HYAL4: variants seen among roughly 807,000 people sequenced by gnomAD.
HYAL4 encodes the protein hyaluronidase-4.
In HYAL4, 37 loss-of-function variants were observed where a neutral mutation model predicts 35.2. That is an observed-to-expected ratio of 1.05 (90% CI 0.81 to 1.38). The LOEUF (loss-of-function observed/expected upper bound fraction) is 1.38. Among genes scored for constraint, HYAL4 ranks in the 40% most tolerant of loss-of-function variants. HYAL4 has a pLI of 0.00. For missense variants in HYAL4, 572 were observed against 572.4 expected (o/e 1.00, Z 0.01); for synonymous variants, 198 against 203.2 (o/e 0.97, Z 0.22).
intron 1 of HYAL4, among the ~76,000 whole-genome samples, chr7:123,829,438 G>A (rs560182041): frequency 6.6e-6 from 1 of 151,854 alleles, no homozygotes; most frequent in African/African-American, 2.4e-5. Context: ...TCAACCTCAA[G>A]CCTCTCCCAA....
intron 1 of HYAL4, among the ~76,000 whole-genome samples, chr7:123,847,088 G>A (rs955792474): frequency 2.0e-5 from 3 of 152,166 alleles, no homozygotes; most frequent in Non-Finnish European, 4.4e-5. Flanking sequence ...TGGAGCAAAA[G>A]TTCACAACGT....
At chr7:123,779,176 A>G in the HYAL4 span, among the ~76,000 whole-genome samples, 3 of 152,210 alleles carry the variant, frequency 2.0e-5, no homozygotes, top group African/African-American at 4.8e-5. Context: ...ATTTCTCAGT[A>G]TTAATTTCTA....
chr7:123,836,490 C>T (rs1805965531), intron 1 of HYAL4, among the ~76,000 whole-genome samples: 1 of 152,096 alleles, frequency 6.6e-6, no homozygotes, highest in Admixed American at 6.6e-5. Flanking sequence ...TAGGTGAGTC[C>T]TGAAGGCAGC....
At chr7:123,869,303 T>C in intron 3 of HYAL4, 76 bp downstream of exon 3, 1 of 1,011,652 alleles carries the variant, frequency 9.9e-7, no homozygotes, top group Non-Finnish European at 1.4e-6. Flanking sequence ...AATTATGTTC[T>C]TTGAAGAATT....
chr7:123,781,559 C>A, the HYAL4 span, among the ~76,000 whole-genome samples: 2 of 151,540 alleles, frequency 1.3e-5, no homozygotes, highest in Non-Finnish European at 2.9e-5. Context: ...CTCGTCCCAC[C>A]TTACGAGAAA....
intron 2 of HYAL4, among the ~76,000 whole-genome samples, chr7:123,850,682 C>CT (rs1176688768): frequency 2.0e-5 from 3 of 152,302 alleles, no homozygotes; most frequent in African/African-American, 7.2e-5. Flanking sequence ...ATCCTGTGCT[C>CT]TGTCTTATCA....
the HYAL4 span, among the ~76,000 whole-genome samples, chr7:123,809,393 C>CTTTTTTTTTTTTTTTT: frequency 3.9e-5 from 5 of 129,574 alleles, no homozygotes; most frequent in African/African-American, 5.6e-5. Context: ...TTTTCTTCTT[C>CTTTTTTTTTTTTTTTT]TTTTTTTTTT....
In HYAL4 at chr7:123,868,249, G is replaced by C; in HGVS notation, c.-25G>C. 7.3e-7 allele frequency: 1 copy of C among 1,379,278 alleles called. No homozygotes were observed. The highest frequency in any genetic ancestry group is 9.8e-7 in the Non-Finnish European group (1 of 1,020,684). The allele number at this position is 1,379,278 out of a possible 1,614,324, so 85.4% of individuals were successfully genotyped here. On this transcript the variant is annotated 5_prime_UTR_variant, in exon 3 of 5. Coordinates refer to ENST00000223026, the MANE Select transcript of HYAL4 (RefSeq NM_012269.3). The stretch of plus-strand genomic sequence containing the variant: ...TCTTCTAGAGTGCACTAAAGCAGAA[G>C]ATAACGTAACATTTTTATCTTACCA...
the HYAL4 span, among the ~76,000 whole-genome samples, chr7:123,817,959 C>A: frequency 2.0e-5 from 3 of 152,052 alleles, no homozygotes; most frequent in African/African-American, 7.2e-5. Context: ...CTCACTGCAA[C>A]CTCCGCCTCC....
chr7:123,841,491 A>G (rs1474739582), upstream of HYAL4, among the ~76,000 whole-genome samples: 1 of 152,006 alleles, frequency 6.6e-6, no homozygotes, highest in Non-Finnish European at 1.5e-5. Flanking sequence ...TGGTATCAGG[A>G]TGATGTTGGC....
At chr7:123,836,452 C>T (rs1461653555) in intron 1 of HYAL4, among the ~76,000 whole-genome samples, 1 of 152,096 alleles carries the variant, frequency 6.6e-6, no homozygotes, top group Non-Finnish European at 1.5e-5. Context: ...CACCCCTCTA[C>T]CTTAAGTTTA....
Position 123,868,570 on chromosome 7 carries a change from G to A in HYAL4, c.297G>A (p.Pro99=), listed in dbSNP as rs199855327. Reference sequence around the variant, plus strand: ...ATGTCAACAGATTGGGATACTATCCGTGGTATACATCACAAGGGGTCCCCA... The same window carrying A: ...ATGTCAACAGATTGGGATACTATCCATGGTATACATCACAAGGGGTCCCCA... ...IFYVNRLGYY[P]WYTSQGVPIN... is the part of the protein sequence containing the mutation. Residue 99 remains proline (P), a synonymous_variant, in exon 3 of 5, where the codon CCG becomes CCA. Coordinates refer to ENST00000223026, the MANE Select transcript of HYAL4 (RefSeq NM_012269.3). The A allele has an allele frequency of 6.8e-6, 11 of 1,614,016 alleles. No individual in the cohort carries two copies. The highest frequency in any genetic ancestry group is 2.2e-5 in the East Asian group (1 of 44,900).
In HYAL4 at chr7:123,875,525, C is replaced by A. The variant is rs149581474; in HGVS notation, c.1044+675C>A. The stretch of plus-strand genomic sequence containing the variant: ...TATAAAAATTAGGCGAGTGTGATGA[C>A]ACATGCCTGTAATCCCAGCTGCTCG... On this transcript the variant is annotated intron_variant, in intron 4 of 4. Transcript: ENST00000223026. 3.4e-4 allele frequency among the ~76,000 whole-genome samples: 52 copies of A among 151,918 alleles called. 1 individual carries two copies. In the East Asian group the frequency reaches 9.9e-3, roughly 29 times the overall value.
the HYAL4 span, among the ~76,000 whole-genome samples, chr7:123,801,997 TTTATC>T: frequency 2.1e-4 from 32 of 152,120 alleles, no homozygotes; most frequent in Non-Finnish European, 4.0e-4. Flanking sequence ...GGAAAACACT[TTTATC>T]TTTTCTTGTC....
intron 4 of HYAL4, among the ~76,000 whole-genome samples, chr7:123,875,386 CG>C (rs1806984522): frequency 6.6e-6 from 1 of 152,024 alleles, no homozygotes; most frequent in South Asian, 2.1e-4. Flanking sequence ...AGATTTATGG[CG>C]GGGCACGGTG....
intron 3 of HYAL4, 61 bp from the exon 4 acceptor site, chr7:123,874,700 C>T: frequency 9.5e-7 from 1 of 1,052,850 alleles, no homozygotes; most frequent in African/African-American, 1.6e-5. Flanking sequence ...CCACCGCGCC[C>T]AGCCCCTGGT....
upstream of HYAL4, among the ~76,000 whole-genome samples, chr7:123,841,402 G>T (rs1211261646): frequency 6.6e-6 from 1 of 151,984 alleles, no homozygotes; most frequent in African/African-American, 2.4e-5. Context: ...GTATTTTATT[G>T]AGGATTTTTG....
chr7:123,877,078 G>T lies in HYAL4; in HGVS notation c.1369G>T (p.Gly457Trp). Residue 457 changes from glycine (G) to tryptophan (W), a missense_variant, in exon 5 of 5, where the codon GGG becomes TGG. Gly to Trp is a radical substitution (Grantham distance 184). Transcript: ENST00000223026. ...REIKTADGCS[G>W]VSPSPGSLMT... ...AATAAAGACGGCTGATGGCTGCTCT[G>T]GGGTTTCCCCTTCTCCTGGTTCACT... is the stretch of plus-strand genomic sequence containing the variant. The T allele has an allele frequency of 5.6e-6, 9 of 1,614,184 alleles. No homozygotes were observed. Among genetic ancestry groups the T allele is most frequent in the Non-Finnish European group, 6.8e-6 (8 of 1,180,024 alleles).
At chr7:123,866,630 T>C (rs1227429657) in intron 2 of HYAL4, among the ~76,000 whole-genome samples, 1 of 152,164 alleles carries the variant, frequency 6.6e-6, no homozygotes, top group Non-Finnish European at 1.5e-5. Flanking sequence ...CACACAAGAC[T>C]GCAAACGTTT....
Sources: allele counts gnomAD v4.1 joint callset (sites outside exome capture counted in the v4.1 genomes callset), GRCh38; gene constraint gnomAD v4.1.1; transcripts MANE v1.5; gene names NCBI Gene and HGNC (gene_info 2026-07-23, HGNC 2026-07-21).